The following TGFBR3 variants were observed in gnomAD, a reference collection of about 807,000 sequenced individuals.
TGFBR3 encodes transforming growth factor beta receptor 3.
TGFBR3 carries 46 observed loss-of-function variants against 87.9 expected under a neutral mutation model. That is an observed-to-expected ratio of 0.52 (90% CI 0.41 to 0.67). TGFBR3 has a LOEUF of 0.67. TGFBR3 is among the 30% of genes least tolerant of loss of function. The pLI is 0.00. For synonymous variants in TGFBR3, 381 were observed against 391.6 expected (o/e 0.97, Z 0.32); for missense variants, 866 against 1,041.9 (o/e 0.83, Z 2.32).
intron 4 of TGFBR3, among the ~76,000 whole-genome samples, chr1:91,737,602 T>C (rs1673009019): frequency 6.6e-6 from 1 of 152,140 alleles, no homozygotes; most frequent in Non-Finnish European, 1.5e-5. Flanking sequence ...GTTAGATTCA[T>C]TTTTTATACA....
At chr1:91,842,838 T>C (rs1027234160) in intron 2 of TGFBR3, among the ~76,000 whole-genome samples, 1 of 152,196 alleles carries the variant, frequency 6.6e-6, no homozygotes. Flanking sequence ...ATTGTATAGA[T>C]AAGGCAACAA....
chr1:91,739,823 A>C (rs1185891426), intron 4 of TGFBR3, among the ~76,000 whole-genome samples: 3 of 152,222 alleles, frequency 2.0e-5, no homozygotes, highest in Non-Finnish European at 4.4e-5. Context: ...GGGAGGCCTC[A>C]GGAAACTTAC....
At chr1:91,743,649 C>A (rs1673232046) in intron 4 of TGFBR3, among the ~76,000 whole-genome samples, 1 of 152,172 alleles carries the variant, frequency 6.6e-6, no homozygotes, top group African/African-American at 2.4e-5. Flanking sequence ...CATGGGTATA[C>A]CCCAAGTGTT....
intron 2 of TGFBR3, among the ~76,000 whole-genome samples, chr1:91,849,834 G>C (rs1677650922): frequency 6.6e-6 from 1 of 152,122 alleles, no homozygotes; most frequent in East Asian, 1.9e-4. Context: ...TGTAATCCCA[G>C]CACTTTGGGA....
At chr1:91,881,427 G>A (rs924432877) in intron 1 of TGFBR3, among the ~76,000 whole-genome samples, 2 of 152,148 alleles carry the variant, frequency 1.3e-5, no homozygotes, top group African/African-American at 4.8e-5. Flanking sequence ...AAGGCTTTCT[G>A]TAAGAAAGCC....
chr1:91,901,942 G>GAA lies in TGFBR3; in HGVS notation c.-174-2247_-174-2246dup, dbSNP rs200556745. 7.5e-4 allele frequency among the ~76,000 whole-genome samples: 92 copies of GAA among 122,004 alleles called. 1 individual carries two copies. Among genetic ancestry groups the GAA allele is most frequent in the Admixed American group, 1.0e-3 (12 of 11,908 alleles). 80.0% of individuals were successfully genotyped at this position (122,004 alleles called of 152,430 possible). A position where few individuals can be genotyped will look rare whatever the true frequency, so the allele number is the denominator to read the frequency against. The stretch of plus-strand genomic sequence containing the variant: ...CTGACCCTCCCCCACCCCACCAAAA[G>GAA]AAAAAAAAAAAAACGGTATGTGTTC... On this transcript the variant is annotated intron_variant, in intron 1 of 17. Transcript: ENST00000370399.
intron 3 of TGFBR3, among the ~76,000 whole-genome samples, chr1:91,768,303 C>T (rs577727081): frequency 1.3e-5 from 2 of 152,154 alleles, no homozygotes; most frequent in South Asian, 2.1e-4. Context: ...CCAGAATCTG[C>T]TGCCTTGTAT....
At chr1:91,850,301 T>A (rs1332452275) in intron 2 of TGFBR3, among the ~76,000 whole-genome samples, 3 of 152,108 alleles carry the variant, frequency 2.0e-5, no homozygotes, top group Non-Finnish European at 4.4e-5. Context: ...TTCTGTCCTC[T>A]AATTAACTCA....
chr1:91,741,632 G>T (rs765982309), intron 4 of TGFBR3, among the ~76,000 whole-genome samples: 1 of 152,124 alleles, frequency 6.6e-6, no homozygotes, highest in African/African-American at 2.4e-5. Flanking sequence ...CTATCCAGGA[G>T]CCCCAGCCAC....
intron 2 of TGFBR3, among the ~76,000 whole-genome samples, chr1:91,820,312 A>G (rs982129731): frequency 2.6e-5 from 4 of 152,202 alleles, no homozygotes; most frequent in African/African-American, 9.7e-5. Context: ...CTACACCATA[A>G]CAACATCACT....
At chr1:91,822,058 A>G (rs1676467866) in intron 2 of TGFBR3, among the ~76,000 whole-genome samples, 1 of 152,152 alleles carries the variant, frequency 6.6e-6, no homozygotes, top group African/African-American at 2.4e-5. Flanking sequence ...GCTGAGACCA[A>G]AGAGACCAGA....
At chr1:91,839,298 A>G (rs1677178977) in intron 2 of TGFBR3, among the ~76,000 whole-genome samples, 1 of 152,192 alleles carries the variant, frequency 6.6e-6, no homozygotes, top group Admixed American at 6.5e-5. Flanking sequence ...GTCTTTTTAT[A>G]TACTTGTGGT....
intron 1 of TGFBR3, among the ~76,000 whole-genome samples, chr1:91,884,471 G>A (rs1415200263): frequency 2.0e-5 from 3 of 152,158 alleles, no homozygotes; most frequent in Admixed American, 6.6e-5. Flanking sequence ...TGTGTTTCAA[G>A]AGATATGCGT....
At chr1:91,700,842 A>G (rs1671595221) in intron 14 of TGFBR3, among the ~76,000 whole-genome samples, 1 of 152,198 alleles carries the variant, frequency 6.6e-6, no homozygotes, top group South Asian at 2.1e-4. Flanking sequence ...TAAACTCCCA[A>G]GAACTCTATG....
At chr1:91,716,135 G>T in intron 12 of TGFBR3, 101 bp downstream of exon 12, 1 of 1,424,886 alleles carries the variant, frequency 7.0e-7, no homozygotes, top group South Asian at 1.2e-5. Context: ...AGGTCTGTGA[G>T]GTAGGACAGG....
chr1:91,839,259 G>A (rs1323786209), intron 2 of TGFBR3, among the ~76,000 whole-genome samples: 3 of 152,152 alleles, frequency 2.0e-5, no homozygotes, highest in Admixed American at 6.5e-5. Context: ...ATTTACAAGT[G>A]TGAGCCACCA....
At chr1:91,877,645 T>C (rs1169896795) in intron 1 of TGFBR3, among the ~76,000 whole-genome samples, 1 of 152,198 alleles carries the variant, frequency 6.6e-6, no homozygotes, top group Non-Finnish European at 1.5e-5. Context: ...TGAAAAAAGA[T>C]ATAAATATGG....
At chr1:91,759,680 C>T (rs1360450982) in intron 3 of TGFBR3, among the ~76,000 whole-genome samples, 3 of 152,126 alleles carry the variant, frequency 2.0e-5, no homozygotes, top group Non-Finnish European at 4.4e-5. Context: ...GGAGGCAAGA[C>T]CCAAGAATCA....
chr1:91,694,540 T>C (rs1254435748), intron 16 of TGFBR3, among the ~76,000 whole-genome samples: 2 of 152,254 alleles, frequency 1.3e-5, no homozygotes, highest in Non-Finnish European at 2.9e-5. Context: ...GATCACTGTG[T>C]CATGCTTTTA....
Sources: gnomAD v4.1 joint callset for allele counts (sites outside exome capture counted in the v4.1 genomes callset) on GRCh38, gnomAD v4.1.1 for gene constraint, MANE v1.5 for transcripts, NCBI Gene and HGNC (gene_info 2026-07-23, HGNC 2026-07-21) for gene names.